Variants in KCNK2 observed in about 807,000 individuals in gnomAD.
KCNK2 encodes the protein potassium channel subfamily K member 2.
In KCNK2, 21 loss-of-function variants were observed where a neutral mutation model predicts 40.5. The ratio of observed to expected loss-of-function variants is 0.52; its 90% confidence interval spans 0.37 to 0.75. The LOEUF (loss-of-function observed/expected upper bound fraction) is 0.75. Among genes scored for constraint, KCNK2 ranks in the 30% least tolerant of loss-of-function variants. KCNK2 has a pLI of 0.00. For synonymous variants in KCNK2, 191 were observed against 202.2 expected, an observed-to-expected ratio of 0.94 and a Z score of 0.47; for missense variants, 399 against 531.6, an observed-to-expected ratio of 0.75 and a Z score of 2.45.
At position 215,230,021 on chromosome 1, in the gene KCNK2, A is replaced by ATC. The variant is rs199836036; in HGVS notation, c.964-4806_964-4805insCT. Among the ~76,000 whole-genome samples the ATC allele has an allele frequency of 4.0e-3, 597 of 148,364 alleles. 5 individuals are homozygous for ATC. The highest frequency in any genetic ancestry group is 0.013 in the African/African-American group (531 of 40,356). On this transcript the variant is annotated intron_variant, in intron 6 of 6. Transcript: ENST00000444842. ...ACAGATATGCACACACACAGATTAT[A>ATC]TATATATATACATATATAGATATAT...
intron 6 of KCNK2, among the ~76,000 whole-genome samples, chr1:215,217,324 C>T (rs1279604362): frequency 6.6e-6 from 1 of 152,152 alleles, no homozygotes; most frequent in East Asian, 1.9e-4. Context: ...AATCATTTTC[C>T]TGGATCTGCT....
chr1:215,152,598 A>G (rs2102614480), intron 3 of KCNK2, among the ~76,000 whole-genome samples: 3 of 152,256 alleles, frequency 2.0e-5, no homozygotes, highest in Admixed American at 2.0e-4. Context: ...TTGTATCAGC[A>G]GTTTCTTCAT....
intron 3 of KCNK2, among the ~76,000 whole-genome samples, chr1:215,129,585 G>A (rs1231046111): frequency 1.3e-5 from 2 of 152,074 alleles, no homozygotes; most frequent in African/African-American, 4.8e-5. Flanking sequence ...GCTATGTAAA[G>A]AAAAGTGGAA....
intron 3 of KCNK2, among the ~76,000 whole-genome samples, chr1:215,160,379 A>T (rs1663139597): frequency 6.6e-6 from 1 of 152,192 alleles, no homozygotes; most frequent in Non-Finnish European, 1.5e-5. Flanking sequence ...CATATACAGG[A>T]GTTCTGTGTA....
rs143501513 is a variant in KCNK2, at chr1:215,189,403, A to G, written c.824-5550A>G. On this transcript the variant is annotated intron_variant, in intron 5 of 6. Transcript: ENST00000444842. ...AGATTGAGATTTAAAGACAATTTCT[A>G]AGAATAACAATTGGGTACATCTATA... Among the ~76,000 whole-genome samples, 721 of 152,292 alleles carry G rather than the reference A, an allele frequency of 4.7e-3. 8 individuals are homozygous for G. The highest frequency in any genetic ancestry group is 7.4e-3 in the Non-Finnish European group (502 of 68,016).
chr1:215,077,963 A>C (rs754944697), upstream of KCNK2, among the ~76,000 whole-genome samples: 1 of 152,176 alleles, frequency 6.6e-6, no homozygotes, highest in Non-Finnish European at 1.5e-5. Flanking sequence ...TCATCTTCTC[A>C]TACCTGTGCA....
intron 1 of KCNK2, among the ~76,000 whole-genome samples, chr1:215,055,416 A>G (rs984112219): frequency 2.6e-5 from 4 of 152,248 alleles, no homozygotes; most frequent in African/African-American, 9.6e-5. Flanking sequence ...GGTTTTAAAC[A>G]AGATGCAATA....
intron 6 of KCNK2, among the ~76,000 whole-genome samples, chr1:215,233,120 G>A (rs1217355044): frequency 6.6e-6 from 1 of 152,146 alleles, no homozygotes; most frequent in African/African-American, 2.4e-5. Flanking sequence ...AGTATCTCCA[G>A]GATAAATTCC....
At position 215,092,020 on chromosome 1, in the gene KCNK2, G is replaced by A. The variant is rs148028088; in HGVS notation, c.357+5342G>A. On this transcript the variant is annotated intron_variant, in intron 2 of 6. Transcript: ENST00000444842. ...TTGGTGCAGATAAGTATCCAGCTCC[G>A]GCTTACATTTCAAGAGGATTTCCCT... Among the ~76,000 whole-genome samples the A allele has an allele frequency of 2.3e-3, 356 of 152,134 alleles. 1 individual carries two copies. Among genetic ancestry groups the A allele is most frequent in the African/African-American group, 8.3e-3 (346 of 41,496 alleles).
At chr1:215,228,443 C>T (rs1254401167) in intron 6 of KCNK2, among the ~76,000 whole-genome samples, 1 of 152,144 alleles carries the variant, frequency 6.6e-6, no homozygotes, top group Admixed American at 6.5e-5. Flanking sequence ...TATAGCACTC[C>T]ATTTCCTTCT....
chr1:215,224,932 T>C (rs1278160823), intron 6 of KCNK2, among the ~76,000 whole-genome samples: 2 of 152,132 alleles, frequency 1.3e-5, no homozygotes, highest in African/African-American at 4.8e-5. Context: ...TTCTGATACT[T>C]GGGTTGCGTT....
chr1:215,062,266 G>C (rs916862505), intron 1 of KCNK2, among the ~76,000 whole-genome samples: 2 of 152,092 alleles, frequency 1.3e-5, no homozygotes, highest in African/African-American at 4.8e-5. Flanking sequence ...TTAAAGAGAG[G>C]AGATGAATGC....
Position 215,017,542 on chromosome 1 carries a change from G to A in KCNK2, c.34+11587G>A, listed in dbSNP as rs116376316. On this transcript the variant is annotated intron_variant, in intron 1 of 6. Transcript: ENST00000391895. Reference sequence around the variant, plus strand: ...TATATGTGGAATCTCAAAACATTGAGCTCATAGAAGCAGAAAATAGAATGG... The same window carrying A: ...TATATGTGGAATCTCAAAACATTGAACTCATAGAAGCAGAAAATAGAATGG... Among the ~76,000 whole-genome samples the A allele has an allele frequency of 8.2e-3, 1,248 of 152,204 alleles. 15 individuals are homozygous for A. The highest frequency in any genetic ancestry group is 0.028 in the African/African-American group (1,173 of 41,546).
At position 215,006,997 on chromosome 1, in the gene KCNK2, C is replaced by CTA. The variant is rs199497700; in HGVS notation, c.34+1082_34+1083dup. Among the ~76,000 whole-genome samples the CTA allele has an allele frequency of 7.4e-3, 601 of 81,494 alleles. 3 individuals carry two copies. Among genetic ancestry groups the CTA allele is most frequent in the African/African-American group, 0.013 (200 of 15,318 alleles). 53.5% of individuals were successfully genotyped at this position (81,494 alleles called of 152,430 possible). A position where few individuals can be genotyped will look rare whatever the true frequency, so the allele number is the denominator to read the frequency against. On this transcript the variant is annotated intron_variant, in intron 1 of 6. Coordinates refer to the KCNK2 transcript ENST00000391895. ...ATCACTAAGTTTGGGGACCAATTCA[C>CTA]TATATATATATATATATATATATAT... is the stretch of plus-strand genomic sequence containing the variant.
chr1:215,077,824 A>G (rs1295969340), upstream of KCNK2, among the ~76,000 whole-genome samples: 1 of 151,974 alleles, frequency 6.6e-6, no homozygotes, highest in African/African-American at 2.4e-5. Flanking sequence ...TAATTTTTAC[A>G]TCACTTCTTT....
rs573877927 is a variant in KCNK2 at position 215,122,168 on chromosome 1, A to G, written c.358-2465A>G. ...CAGTATAGTATAGGGAACTCAATAC[A>G]TAGAGATTCATACCATCTTCCTTGG... On this transcript the variant is annotated intron_variant, in intron 2 of 6. Coordinates refer to ENST00000444842, the MANE Select transcript of KCNK2 (RefSeq NM_001017425.3). 3.9e-5 allele frequency among the ~76,000 whole-genome samples: 6 copies of G among 152,244 alleles called. No homozygotes were observed. The South Asian group carries it at 1.2e-3, about 32-fold the overall frequency.
intron 6 of KCNK2, among the ~76,000 whole-genome samples, chr1:215,197,929 G>C (rs1664931428): frequency 6.6e-6 from 1 of 152,098 alleles, no homozygotes; most frequent in African/African-American, 2.4e-5. Flanking sequence ...AACCTGGGAG[G>C]CGAAGGTTGC....
chr1:215,103,241 A>T (rs1260501846), intron 2 of KCNK2, among the ~76,000 whole-genome samples: 2 of 151,962 alleles, frequency 1.3e-5, no homozygotes, highest in African/African-American at 4.8e-5. Flanking sequence ...TAATGTGTCT[A>T]AGATTCCTCA....
chr1:215,096,891 G>T (rs1659999522), intron 2 of KCNK2, among the ~76,000 whole-genome samples: 1 of 151,878 alleles, frequency 6.6e-6, no homozygotes. Context: ...AGGACATGCA[G>T]TTTTCTTCTC....
Sources: allele counts gnomAD v4.1 joint callset (sites outside exome capture counted in the v4.1 genomes callset), GRCh38; gene constraint gnomAD v4.1.1; transcripts MANE v1.5; gene names NCBI Gene and HGNC (gene_info 2026-07-23, HGNC 2026-07-21).